Variants in PHKA1 observed in about 807,000 individuals in gnomAD.
The protein encoded by PHKA1 is phosphorylase kinase regulatory subunit alpha 1.
A neutral mutation model predicts 110.2 loss-of-function variants in PHKA1; 60 were observed. That is an observed-to-expected ratio of 0.54 (90% CI 0.44 to 0.68). PHKA1 has a LOEUF of 0.68. Among genes scored for constraint, PHKA1 ranks in the 30% least tolerant of loss-of-function variants. PHKA1 has a pLI of 0.00. For synonymous variants in PHKA1, 316 were observed against 333.6 expected, an observed-to-expected ratio of 0.95 and a Z score of 0.58; for missense variants, 801 against 942.5, an observed-to-expected ratio of 0.85 and a Z score of 1.97.
intron 3 of PHKA1, among the ~76,000 whole-genome samples, chrX:72,696,471 A>G (rs941062711): frequency 9.0e-6 from 1 of 111,433 alleles, no homozygotes; most frequent in Non-Finnish European, 1.9e-5. Context: ...TCACAGAGAC[A>G]GATGCATATT....
chrX:72,684,398 T>C, intron 5 of PHKA1, 100 bp downstream of exon 5: 1 of 576,552 alleles, frequency 1.7e-6, no homozygotes, highest in Non-Finnish European at 3.0e-6. Flanking sequence ...TTTAGGTTGG[T>C]TCACTATGAG....
intron 22 of PHKA1, 70 bp downstream of exon 22, chrX:72,610,958 C>A: frequency 1.1e-6 from 1 of 875,102 alleles, no homozygotes; most frequent in Non-Finnish European, 1.7e-6. Context: ...TTTTAAAAAA[C>A]AATTATAGAA....
intron 14 of PHKA1, among the ~76,000 whole-genome samples, chrX:72,640,427 G>A (rs1408599286): frequency 7.2e-5 from 8 of 111,810 alleles, no homozygotes; most frequent in African/African-American, 1.3e-4. Context: ...AAGAAATTAC[G>A]TTAATACAGC....
rs781992199 is a variant in PHKA1 at position 72,691,295 on chromosome X, GT to G, written c.454+4412del. The stretch of plus-strand genomic sequence containing the variant: ...CTATAGTTATGCCAGTACCTGTACT[GT>G]TTTAATTAATATAGCTTTGTAGTAA... On this transcript the variant is annotated intron_variant, in intron 4 of 31. Coordinates refer to ENST00000373542, the MANE Select transcript of PHKA1 (RefSeq NM_002637.4). Among the ~76,000 whole-genome samples, 148 of 112,531 alleles carry G rather than the reference GT, an allele frequency of 1.3e-3. 1 individual carries two copies. Among genetic ancestry groups the G allele is most frequent in the Middle Eastern group, 4.6e-3 (1 of 219 alleles).
At chrX:72,635,808 A>G (rs1312358784) in intron 15 of PHKA1, among the ~76,000 whole-genome samples, 3 of 112,001 alleles carry the variant, frequency 2.7e-5, no homozygotes, top group African/African-American at 9.7e-5. Context: ...TGTAGCTAAT[A>G]AACATCAGGC....
At chrX:72,701,464 T>C (rs1556329542) in intron 3 of PHKA1, among the ~76,000 whole-genome samples, 1 of 112,287 alleles carries the variant, frequency 8.9e-6, no homozygotes, top group Non-Finnish European at 1.9e-5. Flanking sequence ...CTCACGCCTA[T>C]AATCACAGCA....
At chrX:72,710,256 AC>A (rs2054351953) in intron 2 of PHKA1, among the ~76,000 whole-genome samples, 1 of 111,659 alleles carries the variant, frequency 9.0e-6, no homozygotes, top group Admixed American at 9.5e-5. Context: ...CCAACCAAAC[AC>A]GGATCAAAAA....
chrX:72,642,937 C>T lies in PHKA1; in HGVS notation c.1459+1425G>A, dbSNP rs782480290. Among the ~76,000 whole-genome samples, 3 of 111,564 alleles carry T rather than the reference C, an allele frequency of 2.7e-5. No individual in the cohort carries two copies. The Admixed American group carries it at 2.9e-4, about 11-fold the overall frequency. ...AATTTTTAGGAAAGGGACATTCCTA[C>T]ATCATAGCTAAGATGGAAGAAAGAA... On this transcript the variant is annotated intron_variant, in intron 14 of 31. Transcript: ENST00000373542.
chrX:72,626,817 A>G (rs2053079362), intron 17 of PHKA1, among the ~76,000 whole-genome samples, 154 bp downstream of exon 17: 1 of 111,833 alleles, frequency 8.9e-6, no homozygotes, highest in African/African-American at 3.3e-5. Context: ...CTATTTGCAG[A>G]CTACAGGTTG....
intron 29 of PHKA1, among the ~76,000 whole-genome samples, chrX:72,591,515 C>T (rs1482523529): frequency 9.1e-6 from 1 of 110,215 alleles, no homozygotes; most frequent in Non-Finnish European, 1.9e-5. Context: ...ACCTATGTAA[C>T]GAGCTTGCAC....
At chrX:72,639,055 C>T (rs888993736) in intron 14 of PHKA1, among the ~76,000 whole-genome samples, 2 of 112,207 alleles carry the variant, frequency 1.8e-5, no homozygotes, top group Non-Finnish European at 3.8e-5. Flanking sequence ...CAGCCCAATA[C>T]AAGCTATTTC....
At chrX:72,609,479 C>T in intron 23 of PHKA1, 145 bp downstream of exon 23, 2 of 535,254 alleles carry the variant, frequency 3.7e-6, no homozygotes, top group Admixed American at 2.5e-5. Flanking sequence ...CTTGCCCTAC[C>T]ATTACCAACA....
At chrX:72,690,811 A>C (rs782636219) in intron 4 of PHKA1, among the ~76,000 whole-genome samples, 1 of 112,087 alleles carries the variant, frequency 8.9e-6, no homozygotes, top group South Asian at 3.7e-4. Flanking sequence ...TCTGTTGCCC[A>C]GGCTGGAGTG....
chrX:72,711,473 G>A (rs1041284594), intron 2 of PHKA1, among the ~76,000 whole-genome samples: 29 of 111,008 alleles, frequency 2.6e-4, no homozygotes, highest in African/African-American at 7.9e-4. Flanking sequence ...GGCTGGGCGC[G>A]GTGGCTCACG....
chrX:72,657,484 G>T, intron 9 of PHKA1, 104 bp downstream of exon 9: 1 of 581,349 alleles, frequency 1.7e-6, no homozygotes, highest in Non-Finnish European at 2.9e-6. Context: ...CCTACTTAGT[G>T]ATCTCTATAA....
intron 16 of PHKA1, among the ~76,000 whole-genome samples, chrX:72,633,922 C>T (rs1042947203): frequency 2.7e-5 from 3 of 111,840 alleles, no homozygotes; most frequent in Non-Finnish European, 5.6e-5. Context: ...TCATTCTCCT[C>T]TCACAGGTCA....
intron 5 of PHKA1, among the ~76,000 whole-genome samples, chrX:72,681,578 G>A (rs1450334265): frequency 1.1e-4 from 9 of 82,793 alleles, no homozygotes; most frequent in East Asian, 4.6e-4. Flanking sequence ...CAGCCGCCCC[G>A]TCCGGGAGGT....
intron 5 of PHKA1, among the ~76,000 whole-genome samples, chrX:72,682,336 G>T (rs1251620834): frequency 2.4e-4 from 26 of 108,511 alleles, no homozygotes; most frequent in Non-Finnish European, 5.8e-5. Context: ...CGGGAGGGAG[G>T]TGGGGGGGTC....
chrX:72,587,226 G>T (rs1254159922), intron 29 of PHKA1, among the ~76,000 whole-genome samples: 1 of 111,816 alleles, frequency 8.9e-6, no homozygotes, highest in Non-Finnish European at 1.9e-5. Context: ...CAAACTAAGA[G>T]CTGATCTCTC....
Sources: gnomAD v4.1 joint callset for allele counts (sites outside exome capture counted in the v4.1 genomes callset) on GRCh38, gnomAD v4.1.1 for gene constraint, MANE v1.5 for transcripts, NCBI Gene and HGNC (gene_info 2026-07-23, HGNC 2026-07-21) for gene names.